The following ZNF407 variants were observed in gnomAD, a reference collection of about 807,000 sequenced individuals.
The protein encoded by ZNF407 is zinc finger protein 407.
A neutral mutation model predicts 131.2 loss-of-function variants in ZNF407; 17 were observed. The ratio of observed to expected loss-of-function variants is 0.13; its 90% CI spans 0.09 to 0.19. The LOEUF is 0.19. Ranked by LOEUF, ZNF407 falls within the 10% of genes least tolerant of loss-of-function variation. The probability of loss-of-function intolerance (pLI) is 1.00; values close to 1 mark genes in which losing one functional copy is unlikely to be tolerated. For missense variants in ZNF407, 2,681 were observed against 2,830.6 expected, an observed-to-expected ratio of 0.95 and a Z score of 1.20; for synonymous variants, 1,156 against 1,062.0, an observed-to-expected ratio of 1.09 and a Z score of -1.72.
intron 3 of ZNF407, among the ~76,000 whole-genome samples, chr18:74,660,720 T>C (rs2144730216): frequency 6.6e-6 from 1 of 152,236 alleles, no homozygotes; most frequent in South Asian, 2.1e-4. Flanking sequence ...TAGCAAGCAA[T>C]GACTCCTAAA....
chr18:74,731,915 T>C (rs1438363705), intron 3 of ZNF407, among the ~76,000 whole-genome samples: 1 of 152,060 alleles, frequency 6.6e-6, no homozygotes, highest in Non-Finnish European at 1.5e-5. Flanking sequence ...CGTGGTAGTA[T>C]AGATCATGAA....
intron 3 of ZNF407, among the ~76,000 whole-genome samples, chr18:74,679,999 T>C (rs1006591269): frequency 3.3e-5 from 5 of 152,192 alleles, no homozygotes; most frequent in African/African-American, 1.2e-4. Context: ...ACTTTTCATA[T>C]TACGTGTACA....
At chr18:74,996,173 G>A (rs1297603700) in intron 8 of ZNF407, among the ~76,000 whole-genome samples, 1 of 152,164 alleles carries the variant, frequency 6.6e-6, no homozygotes, top group African/African-American at 2.4e-5. Flanking sequence ...ATGAAACAGA[G>A]AAGGCAGCTT....
chr18:74,785,873 TCACATGGCACG>T (rs1206763361), intron 4 of ZNF407, among the ~76,000 whole-genome samples: 2 of 21,696 alleles, frequency 9.2e-5, no homozygotes, highest in Non-Finnish European at 3.5e-4. Context: ...CACACGTCAC[TCACATGGCACG>T]CACATGGCAC....
chr18:74,950,824 C>G (rs1972205518), intron 8 of ZNF407, among the ~76,000 whole-genome samples: 1 of 152,176 alleles, frequency 6.6e-6, no homozygotes, highest in Admixed American at 6.5e-5. Context: ...ACCTGACTCT[C>G]CAGGGTTTTC....
chr18:74,894,364 G>GA (rs137998621), intron 7 of ZNF407, among the ~76,000 whole-genome samples: 6,507 of 151,042 alleles, frequency 0.043, 249 homozygotes, highest in African/African-American at 0.097. Flanking sequence ...GCATTAAAAT[G>GA]AAAAAAAATA....
chr18:75,043,900 A>G (rs979087272), intron 8 of ZNF407, among the ~76,000 whole-genome samples: 2 of 152,232 alleles, frequency 1.3e-5, no homozygotes, highest in Non-Finnish European at 1.5e-5. Context: ...AGCTAGTTTG[A>G]TAATCAATGA....
chr18:74,613,620 C>A (rs1241451001), intron 1 of ZNF407, among the ~76,000 whole-genome samples: 1 of 152,184 alleles, frequency 6.6e-6, no homozygotes, highest in Non-Finnish European at 1.5e-5. Context: ...TAGGAGATCC[C>A]TTATGGGGAA....
intron 8 of ZNF407, among the ~76,000 whole-genome samples, chr18:74,964,708 AT>A (rs1443732617): frequency 6.6e-6 from 1 of 151,522 alleles, no homozygotes; most frequent in East Asian, 1.9e-4. Context: ...CATACATTTA[AT>A]TTCATTTGCA....
At chr18:74,803,187 TC>T (rs1970050457) in intron 4 of ZNF407, among the ~76,000 whole-genome samples, 1 of 152,216 alleles carries the variant, frequency 6.6e-6, no homozygotes, top group African/African-American at 2.4e-5. Context: ...AGTGCTTCAC[TC>T]AATCCTGAGC....
intron 4 of ZNF407, among the ~76,000 whole-genome samples, chr18:74,783,063 GTTGT>G (rs1235745460): frequency 1.3e-5 from 2 of 152,126 alleles, no homozygotes; most frequent in East Asian, 1.9e-4. Flanking sequence ...TTTCATAAGT[GTTGT>G]TTAAGTATGT....
intron 1 of ZNF407, among the ~76,000 whole-genome samples, chr18:74,615,212 A>C (rs1983233245): frequency 6.6e-6 from 1 of 152,222 alleles, no homozygotes; most frequent in Non-Finnish European, 1.5e-5. Flanking sequence ...GTGAGATAAA[A>C]ACTTTTATCA....
intron 2 of ZNF407, among the ~76,000 whole-genome samples, chr18:74,639,167 C>G (rs549199012): frequency 6.6e-6 from 1 of 152,132 alleles, no homozygotes; most frequent in Non-Finnish European, 1.5e-5. Flanking sequence ...TTGAACACAC[C>G]AGAGACCCCA....
At position 75,063,697 on chromosome 18, in the gene ZNF407, G is replaced by A; in HGVS notation, c.5976G>A (p.Leu1992=). Residue 1992 remains leucine, a synonymous_variant, in exon 9 of 9, where the codon TTG becomes TTA. Coordinates refer to ENST00000299687, the MANE Select transcript of ZNF407 (RefSeq NM_017757.3). The surrounding 1 kb of genome is among the most constrained non-coding windows in gnomAD (Gnocchi z 6.6). ...PPEASSALDA[L]LCAVTELGEV... ...AGGCATCCTCAGCCCTGGATGCATTGCTCTGTGCGGTCACTGAATTAGGGG... is the reference window on the plus strand; with the variant it reads ...AGGCATCCTCAGCCCTGGATGCATTACTCTGTGCGGTCACTGAATTAGGGG... 1 of 1,612,038 alleles carries A rather than the reference G, an allele frequency of 6.2e-7. No homozygotes were observed. The highest frequency in any genetic ancestry group is 8.5e-7 in the Non-Finnish European group (1 of 1,179,638).
At chr18:74,964,020 G>A (rs973329466) in intron 8 of ZNF407, among the ~76,000 whole-genome samples, 2 of 152,200 alleles carry the variant, frequency 1.3e-5, no homozygotes, top group African/African-American at 4.8e-5. Flanking sequence ...TTGGGGAACA[G>A]TAATGTCTTT....
intron 3 of ZNF407, among the ~76,000 whole-genome samples, chr18:74,750,082 T>C (rs923268464): frequency 6.6e-6 from 1 of 152,190 alleles, no homozygotes; most frequent in Non-Finnish European, 1.5e-5. Flanking sequence ...ATATGTAAGC[T>C]TCTCAGACTG....
intron 8 of ZNF407, among the ~76,000 whole-genome samples, chr18:75,001,968 A>G (rs943528934): frequency 2.0e-5 from 3 of 152,150 alleles, no homozygotes; most frequent in African/African-American, 7.2e-5. Flanking sequence ...ACATTCTGCA[A>G]TGCACAGGCA....
chr18:74,750,773 T>C (rs1373502104), intron 3 of ZNF407, among the ~76,000 whole-genome samples: 1 of 152,184 alleles, frequency 6.6e-6, no homozygotes, highest in East Asian at 1.9e-4. Flanking sequence ...TGTTTAACTT[T>C]GTGAGAAGCC....
intron 8 of ZNF407, among the ~76,000 whole-genome samples, chr18:75,018,353 ATAT>A (rs1248854430): frequency 6.6e-6 from 1 of 152,078 alleles, no homozygotes; most frequent in Non-Finnish European, 1.5e-5. Context: ...TGCAGTCTAA[ATAT>A]TATGAAAAAT....
Sources: allele counts gnomAD v4.1 joint callset (sites outside exome capture counted in the v4.1 genomes callset), GRCh38; gene constraint gnomAD v4.1.1; non-coding constraint Gnocchi (gnomAD v3.1); transcripts MANE v1.5; gene names NCBI Gene and HGNC (gene_info 2026-07-23, HGNC 2026-07-21).